POU3F3: variants seen among roughly 807,000 people sequenced by gnomAD.
POU3F3 encodes POU class 3 homeobox 3, also known as POU domain, class 3, transcription factor 3.
POU3F3 carries 1 observed loss-of-function variant against 8.6 expected under a neutral mutation model. That is an observed-to-expected ratio of 0.12 (90% CI 0.04 to 0.55). POU3F3 has a LOEUF of 0.55. POU3F3 is among the 20% of genes least tolerant of loss of function. POU3F3 has a pLI of 0.91. For missense variants in POU3F3, 577 were observed against 690.7 expected, an observed-to-expected ratio of 0.84 and a Z score of 1.84; for synonymous variants, 418 against 327.4, an observed-to-expected ratio of 1.28 and a Z score of -2.99.
the POU3F3 span, among the ~76,000 whole-genome samples, chr2:104,904,827 G>A: frequency 4.7e-4 from 71 of 152,296 alleles, no homozygotes; most frequent in Admixed American, 3.1e-3. Context: ...TGGGGTGCAA[G>A]AGAGGGGCGT....
Position 104,855,312 on chromosome 2 carries a change from G to A in POU3F3, c.-199G>A, listed in dbSNP as rs1341493018. On this transcript the variant is annotated 5_prime_UTR_variant, in exon 1 of 1. Coordinates refer to ENST00000361360, the MANE Select transcript of POU3F3 (RefSeq NM_006236.3). The stretch of plus-strand genomic sequence containing the variant: ...GGGGGCCGCGGCGGCGGCGGCGGCG[G>A]CGGGGGCGGAGGCGGCGGCGGAGGA... 1.4e-5 allele frequency among the ~76,000 whole-genome samples: 2 copies of A among 146,390 alleles called. No homozygotes were observed. The highest frequency in any genetic ancestry group is 6.8e-5 in the Admixed American group (1 of 14,744).
chr2:104,889,173 T>C, the POU3F3 span, among the ~76,000 whole-genome samples: 30 of 152,278 alleles, frequency 2.0e-4, no homozygotes, highest in South Asian at 4.1e-4. Context: ...AAAAAAGAGA[T>C]AGTATTGTAG....
rs1253102673 is a variant in POU3F3 at position 104,857,781 on chromosome 2, A to G, written c.*768A>G. ...CTCCAAGAAAAAAATAATTATATTG[A>G]CAGCTTCTGAAACTAACAGACTGAA... is the stretch of plus-strand genomic sequence containing the variant. On this transcript the variant is annotated 3_prime_UTR_variant, in exon 1 of 1. Coordinates refer to ENST00000361360, the MANE Select transcript of POU3F3 (RefSeq NM_006236.3). 1 of 152,308 alleles carries G rather than the reference A, an allele frequency of 6.6e-6. No homozygotes were observed. Among genetic ancestry groups the G allele is most frequent in the East Asian group, 1.9e-4 (1 of 5,194 alleles). 9.4% of individuals were successfully genotyped at this position (152,308 alleles called of 1,614,324 possible). A position where few individuals can be genotyped will look rare whatever the true frequency, so the allele number is the denominator to read the frequency against.
the POU3F3 span, among the ~76,000 whole-genome samples, chr2:104,871,308 A>T: frequency 2.6e-5 from 4 of 152,224 alleles, no homozygotes; most frequent in Admixed American, 2.6e-4. Context: ...TAAGTTCAAC[A>T]TTGACCATGA....
rs1443464464 is a variant in POU3F3, at chr2:104,857,056, C to G, written c.*43C>G. ...AAGAGGGCCGCCGCCGCCGCCGCCT[C>G]CGCAGCCGCCGTCAGCACCGCCGCC... On this transcript the variant is annotated 3_prime_UTR_variant, in exon 1 of 1. Coordinates refer to ENST00000361360, the MANE Select transcript of POU3F3 (RefSeq NM_006236.3). 9 of 1,371,056 alleles carry G rather than the reference C, an allele frequency of 6.6e-6. No individual in the cohort carries two copies. The South Asian group carries it at 1.5e-4, about 22-fold the overall frequency. The allele number at this position is 1,371,056 out of a possible 1,614,324, so 84.9% of individuals were successfully genotyped here.
chr2:104,909,619 C>T, the POU3F3 span, among the ~76,000 whole-genome samples: 2 of 152,368 alleles, frequency 1.3e-5, no homozygotes, highest in Middle Eastern at 3.4e-3. Context: ...GCACTGGCTG[C>T]GGGCTGGGCC....
chr2:104,909,962 TA>T, the POU3F3 span, among the ~76,000 whole-genome samples: 313 of 152,240 alleles, frequency 2.1e-3, 4 homozygotes, highest in Admixed American at 0.018. Context: ...ACTCACTCTT[TA>T]AAAAATTAGA....
At chr2:104,900,068 C>T in the POU3F3 span, among the ~76,000 whole-genome samples, 40 of 152,310 alleles carry the variant, frequency 2.6e-4, no homozygotes, top group African/African-American at 7.9e-4. Flanking sequence ...AGTTTGTCTA[C>T]GCACTGAGGG....
the POU3F3 span, among the ~76,000 whole-genome samples, chr2:104,876,353 C>G: frequency 6.6e-6 from 1 of 152,084 alleles, no homozygotes; most frequent in African/African-American, 2.4e-5. Flanking sequence ...CTTTGAAGTC[C>G]TTTTTCCTAG....
the POU3F3 span, among the ~76,000 whole-genome samples, chr2:104,911,045 T>C: frequency 6.6e-6 from 1 of 152,216 alleles, no homozygotes; most frequent in African/African-American, 2.4e-5. Flanking sequence ...GACTTGAGTA[T>C]TCATGGATTT....
the POU3F3 span, among the ~76,000 whole-genome samples, chr2:104,909,763 G>A: frequency 2.6e-5 from 4 of 152,214 alleles, no homozygotes; most frequent in Non-Finnish European, 5.9e-5. Context: ...ATGCTTATGC[G>A]AATTTTATTT....
In POU3F3 at chr2:104,854,256, A is replaced by G. The variant is rs1037902054; in HGVS notation, c.-1255A>G. On this transcript the variant is annotated 5_prime_UTR_variant, in exon 1 of 1. Transcript: ENST00000361360. The surrounding 1 kb of genome is among the most constrained non-coding windows in gnomAD (Gnocchi z 4.5). Reference sequence around the variant, plus strand: ...GGAAAGAGAGCGCGAACGAGGGCGCAGAGCGAGCTCCTGCTGCAACTCTGC... The same window carrying G: ...GGAAAGAGAGCGCGAACGAGGGCGCGGAGCGAGCTCCTGCTGCAACTCTGC... 7.2e-5 allele frequency among the ~76,000 whole-genome samples: 11 copies of G among 152,172 alleles called. No individual in the cohort carries two copies. Among genetic ancestry groups the G allele is most frequent in the African/African-American group, 2.4e-4 (10 of 41,438 alleles).
the POU3F3 span, among the ~76,000 whole-genome samples, chr2:104,901,047 T>C: frequency 6.6e-6 from 1 of 152,354 alleles, no homozygotes; most frequent in South Asian, 2.1e-4. Flanking sequence ...TATTTACCTG[T>C]TTATGATTAA....
At chr2:104,862,566 G>A (rs1312731582), downstream of POU3F3, among the ~76,000 whole-genome samples, 1 of 152,132 alleles carries the variant, frequency 6.6e-6, no homozygotes, top group Non-Finnish European at 1.5e-5. Flanking sequence ...GGCTGGGCGC[G>A]GAGGTGGGGC....
At chr2:104,920,699 C>A in the POU3F3 span, among the ~76,000 whole-genome samples, 1 of 152,120 alleles carries the variant, frequency 6.6e-6, no homozygotes, top group African/African-American at 2.4e-5. Context: ...ATTTTAGGCA[C>A]TTCTAGTATC....
the POU3F3 span, among the ~76,000 whole-genome samples, chr2:104,895,653 G>A: frequency 6.6e-6 from 1 of 152,294 alleles, no homozygotes; most frequent in East Asian, 1.9e-4. Context: ...AAATGCAAAT[G>A]AGAAATAATT....
chr2:104,898,691 T>G, the POU3F3 span, among the ~76,000 whole-genome samples: 1 of 152,220 alleles, frequency 6.6e-6, no homozygotes, highest in African/African-American at 2.4e-5. Flanking sequence ...ACACTTTGAA[T>G]TTTTCTGCTT....
chr2:104,862,872 G>A (rs534140556), downstream of POU3F3, among the ~76,000 whole-genome samples: 3 of 152,240 alleles, frequency 2.0e-5, no homozygotes, highest in South Asian at 4.2e-4. Flanking sequence ...TGTAAAAGCC[G>A]TAGGAGAATA....
At chr2:104,893,943 T>C in the POU3F3 span, among the ~76,000 whole-genome samples, 59 of 150,986 alleles carry the variant, frequency 3.9e-4, no homozygotes, top group African/African-American at 1.4e-3. Flanking sequence ...TAAGTACAAG[T>C]AGGTGCTTCA....
Sources: gnomAD v4.1 joint callset for allele counts (sites outside exome capture counted in the v4.1 genomes callset) on GRCh38, gnomAD v4.1.1 for gene constraint, Gnocchi (gnomAD v3.1) non-coding constraint, MANE v1.5 for transcripts, NCBI Gene and HGNC (gene_info 2026-07-23, HGNC 2026-07-21) for gene names.